DNAJC5: variants seen among roughly 807,000 people sequenced by gnomAD.
DNAJC5 encodes the protein dnaJ homolog subfamily C member 5.
In DNAJC5, 1 loss-of-function variant was observed where a neutral mutation model predicts 23.2. The ratio of observed to expected loss-of-function variants is 0.04; its 90% CI spans 0.02 to 0.20. The LOEUF is 0.20. Ranked by LOEUF, DNAJC5 falls within the 10% of genes least tolerant of loss-of-function variation. DNAJC5 has a pLI of 1.00. For missense variants in DNAJC5, 180 were observed against 267.0 expected (o/e 0.67, Z 2.27); for synonymous variants, 136 against 120.0 (o/e 1.13, Z -0.87).
chr20:63,925,351 C>T (rs780594954), intron 1 of DNAJC5, among the ~76,000 whole-genome samples: 4 of 151,922 alleles, frequency 2.6e-5, no homozygotes, highest in East Asian at 1.9e-4. Flanking sequence ...GGGCGTGGTT[C>T]GCGTGCCTGT....
In DNAJC5 at chr20:63,916,823, T is replaced by G. The variant is rs572732708; in HGVS notation, c.-11-11512T>G. Among the ~76,000 whole-genome samples the G allele has an allele frequency of 4.6e-5, 7 of 152,266 alleles. 1 individual carries two copies. The South Asian group carries it at 1.2e-3, about 27-fold the overall frequency. On this transcript the variant is annotated intron_variant, in intron 1 of 4. Coordinates refer to ENST00000360864, the MANE Select transcript of DNAJC5 (RefSeq NM_025219.3). Reference sequence around the variant, plus strand: ...TATTAATTCTTGCTAGGAAAAGAATTTAGTGATATCTTCCCTACTTGCACG... The same window carrying G: ...TATTAATTCTTGCTAGGAAAAGAATGTAGTGATATCTTCCCTACTTGCACG...
rs74426932 is a variant in DNAJC5 at position 63,901,346 on chromosome 20, G to A, written c.-12+6023G>A. Among the ~76,000 whole-genome samples, 1,059 of 152,322 alleles carry A rather than the reference G, an allele frequency of 7.0e-3. 6 individuals are homozygous for A. Among genetic ancestry groups the A allele is most frequent in the African/African-American group, 0.024 (1,007 of 41,578 alleles). On this transcript the variant is annotated intron_variant, in intron 1 of 4. Coordinates refer to ENST00000360864, the MANE Select transcript of DNAJC5 (RefSeq NM_025219.3). ...ATGGAATCGACTTCCCAGCCCCATC[G>A]GCTGTGCCCTGCCCTCCTTGCTGTC...
chr20:63,895,541 A>AGCCGGGCCGG (rs966819894), intron 1 of DNAJC5, among the ~76,000 whole-genome samples: 12 of 143,124 alleles, frequency 8.4e-5, no homozygotes, highest in South Asian at 2.2e-4. Flanking sequence ...GGCCTGCGGG[A>AGCCGGGCCGG]GCCGGGCCGG....
At chr20:63,918,624 C>G (rs916128203) in intron 1 of DNAJC5, among the ~76,000 whole-genome samples, 1 of 152,168 alleles carries the variant, frequency 6.6e-6, no homozygotes, top group Non-Finnish European at 1.5e-5. Flanking sequence ...GAGACGGAGT[C>G]TCGCTCTGTC....
At chr20:63,901,945 C>G (rs763322333) in intron 1 of DNAJC5, among the ~76,000 whole-genome samples, 83 of 152,032 alleles carry the variant, frequency 5.5e-4, no homozygotes, top group Non-Finnish European at 9.6e-4. Flanking sequence ...CTTTGGTGTT[C>G]TTTTAGCTGC....
chr20:63,927,534 G>A (rs1010616399), intron 1 of DNAJC5, among the ~76,000 whole-genome samples: 95 of 148,848 alleles, frequency 6.4e-4, no homozygotes, highest in Non-Finnish European at 8.2e-4. Context: ...GAGCAAAACT[G>A]TCCCCCCCCC....
intron 1 of DNAJC5, among the ~76,000 whole-genome samples, chr20:63,925,705 C>T (rs138591356): frequency 3.2e-4 from 47 of 147,638 alleles, no homozygotes; most frequent in African/African-American, 1.0e-3. Context: ...CCAGTATCAC[C>T]GAGATCGCGT....
At chr20:63,925,969 A>G (rs1481566874) in intron 1 of DNAJC5, among the ~76,000 whole-genome samples, 3 of 151,880 alleles carry the variant, frequency 2.0e-5, no homozygotes, top group Admixed American at 1.3e-4. Context: ...CTGGGACTAC[A>G]GGTGCCTGCC....
At chr20:63,926,565 C>G (rs2053617832) in intron 1 of DNAJC5, among the ~76,000 whole-genome samples, 2 of 152,194 alleles carry the variant, frequency 1.3e-5, no homozygotes, top group South Asian at 4.1e-4. Context: ...AGGAATTGGC[C>G]CACGTCATTA....
intron 1 of DNAJC5, among the ~76,000 whole-genome samples, chr20:63,910,650 A>G (rs2053476705): frequency 6.6e-6 from 1 of 150,558 alleles, no homozygotes; most frequent in African/African-American, 2.4e-5. Flanking sequence ...CCTGCTCTCC[A>G]AGTAATAGGG....
At chr20:63,895,433 G>T in intron 1 of DNAJC5, 110 bp downstream of exon 1, 1 of 147,334 alleles carries the variant, frequency 6.8e-6, no homozygotes, top group South Asian at 1.8e-4. Context: ...CGGAAATGGC[G>T]GCGACCCCCG....
At chr20:63,927,073 CCATTA>C (rs1295805177) in intron 1 of DNAJC5, among the ~76,000 whole-genome samples, 1 of 152,156 alleles carries the variant, frequency 6.6e-6, no homozygotes, top group Non-Finnish European at 1.5e-5. Flanking sequence ...TGACCTCATT[CCATTA>C]CGTTTATTGA....
chr20:63,904,890 G>A (rs1185615398), intron 1 of DNAJC5, among the ~76,000 whole-genome samples: 3 of 151,988 alleles, frequency 2.0e-5, no homozygotes, highest in African/African-American at 4.8e-5. Flanking sequence ...TGCAACCTCT[G>A]CCTCTCGGGT....
At chr20:63,922,631 A>G (rs2053582092) in intron 1 of DNAJC5, among the ~76,000 whole-genome samples, 1 of 150,184 alleles carries the variant, frequency 6.7e-6, no homozygotes, top group Non-Finnish European at 1.5e-5. Flanking sequence ...CTTAGCTGGC[A>G]TGGTGGCTCA....
Position 63,929,326 on chromosome 20 carries a change from A to G in DNAJC5, c.122A>G (p.Lys41Arg), listed in dbSNP as rs528096976. 9 of 1,613,968 alleles carry G rather than the reference A, an allele frequency of 5.6e-6. No individual in the cohort carries two copies. Among genetic ancestry groups the G allele is most frequent in the Non-Finnish European group, 7.6e-6 (9 of 1,179,968 alleles). ...TTGGTTTGCAGGAAGCTTGCCTTGA[A>G]ATATCACCCCGACAAGAACCCCGAC... Reference protein sequence around the residue: ...IKKSYRKLALKYHPDKNPDNP... With the variant: ...IKKSYRKLALRYHPDKNPDNP... Residue 41 changes from lysine to arginine, a missense_variant, in exon 3 of 5, where the codon AAA becomes AGA. By Grantham distance (26) the Lys-to-Arg change is conservative (BLOSUM62 2). Transcript: ENST00000360864. This position sits in a 1 kb window ranked among gnomAD's most constrained non-coding sequence, Gnocchi z 8.6.
At chr20:63,915,845 G>T (rs1033226536) in intron 1 of DNAJC5, among the ~76,000 whole-genome samples, 1 of 152,216 alleles carries the variant, frequency 6.6e-6, no homozygotes, top group Non-Finnish European at 1.5e-5. Context: ...AAAATTTCCA[G>T]TGTCACAGAC....
At chr20:63,904,902 C>G (rs1408889819) in intron 1 of DNAJC5, among the ~76,000 whole-genome samples, 1 of 151,822 alleles carries the variant, frequency 6.6e-6, no homozygotes, top group Non-Finnish European at 1.5e-5. Context: ...CTCTCGGGTT[C>G]AAGCGATTCT....
chr20:63,914,590 T>TA (rs1236125089), intron 1 of DNAJC5, among the ~76,000 whole-genome samples: 17 of 147,468 alleles, frequency 1.2e-4, no homozygotes, highest in Non-Finnish European at 1.6e-4. Flanking sequence ...GTGCTGGGAT[T>TA]ACAGGCATGA....
chr20:63,899,577 A>G (rs1261098751), intron 1 of DNAJC5, among the ~76,000 whole-genome samples: 1 of 152,156 alleles, frequency 6.6e-6, no homozygotes, highest in Non-Finnish European at 1.5e-5. Flanking sequence ...TTAGGACAGC[A>G]TTTCATTTTC....
Sources: allele counts gnomAD v4.1 joint callset (sites outside exome capture counted in the v4.1 genomes callset), GRCh38; gene constraint gnomAD v4.1.1; non-coding constraint Gnocchi (gnomAD v3.1); transcripts MANE v1.5; gene names NCBI Gene and HGNC (gene_info 2026-07-23, HGNC 2026-07-21).